The following GNAO1 variants were observed in gnomAD, a reference collection of about 807,000 sequenced individuals.
GNAO1 encodes the protein G protein subunit alpha o1, also known as guanine nucleotide-binding protein G(o) subunit alpha.
For missense variants in GNAO1, 166 were observed against 478.7 expected (o/e 0.35, Z 6.10); for synonymous variants, 164 against 180.7 (o/e 0.91, Z 0.74).
chr16:56,307,637 T>G (rs531403723), intron 3 of GNAO1: 1 of 152,346 alleles, frequency 6.6e-6, no homozygotes, highest in Admixed American at 6.5e-5. Flanking sequence ...AGGTGTCACA[T>G]GACTAACCCA....
intron 6 of GNAO1, chr16:56,346,364 G>T: frequency 1.0e-6 from 1 of 985,396 alleles, no homozygotes; most frequent in Non-Finnish European, 1.2e-6. Flanking sequence ...TGTGCCCTGA[G>T]GGGCCATGGT....
In GNAO1 at chr16:56,354,207, G is replaced by C. The variant is rs2037948495; in HGVS notation, c.878-659G>C. Among the ~76,000 whole-genome samples, 1 of 152,224 alleles carries C rather than the reference G, an allele frequency of 6.6e-6. No individual in the cohort carries two copies. Among genetic ancestry groups the C allele is most frequent in the African/African-American group, 2.4e-5 (1 of 41,458 alleles). On this transcript the variant is annotated intron_variant, in intron 7 of 8. Coordinates refer to ENST00000262493, the MANE Select transcript of GNAO1 (RefSeq NM_020988.3). This position sits in a 1 kb window ranked among gnomAD's most constrained non-coding sequence, Gnocchi z 4.3. ...AGACCATGGGGCGGTGCCTCAATTT[G>C]CTCATCTAGGAAGCAAAAGCGTTCA...
At chr16:56,235,415 C>A (rs757259021) in intron 2 of GNAO1, 4 of 455,884 alleles carry the variant, frequency 8.8e-6, no homozygotes, top group African/African-American at 2.0e-5. Flanking sequence ...TGAAGGCCGG[C>A]GGGACACTAC....
chr16:56,275,885 G>A, intron 2 of GNAO1, 46 bp from the exon 3 acceptor site: 1 of 1,541,186 alleles, frequency 6.5e-7, no homozygotes, highest in Non-Finnish European at 8.8e-7. Flanking sequence ...CTGTGTTGAT[G>A]AGGACAATGC....
intron 2 of GNAO1, among the ~76,000 whole-genome samples, chr16:56,262,338 G>C (rs2036911160): frequency 6.6e-6 from 1 of 152,238 alleles, no homozygotes; most frequent in African/African-American, 2.4e-5. Flanking sequence ...CTGTTTGGAT[G>C]ACAGAGCCTT....
intron 2 of GNAO1, among the ~76,000 whole-genome samples, chr16:56,258,116 T>G (rs1001254816): frequency 1.3e-5 from 2 of 152,216 alleles, no homozygotes; most frequent in African/African-American, 4.8e-5. Flanking sequence ...GATGGCCAGT[T>G]TGAGACCTCT....
At chr16:56,271,722 G>T (rs1160619895) in intron 2 of GNAO1, among the ~76,000 whole-genome samples, 1 of 152,134 alleles carries the variant, frequency 6.6e-6, no homozygotes, top group Non-Finnish European at 1.5e-5. Flanking sequence ...GAAAGTGCTG[G>T]GATTACAGGC....
chr16:56,320,786 G>C (rs1249905231), intron 3 of GNAO1, among the ~76,000 whole-genome samples: 2 of 152,196 alleles, frequency 1.3e-5, no homozygotes, highest in Non-Finnish European at 2.9e-5. Context: ...ACAGCAGAGA[G>C]CCCCCTCCCT....
chr16:56,321,215 A>G (rs552989111), intron 3 of GNAO1, among the ~76,000 whole-genome samples: 4 of 152,342 alleles, frequency 2.6e-5, no homozygotes, highest in Admixed American at 2.0e-4. Flanking sequence ...AAGTGCAAAA[A>G]TAAACCAACC....
chr16:56,257,176 G>A (rs572793699), intron 2 of GNAO1, among the ~76,000 whole-genome samples: 56 of 149,442 alleles, frequency 3.7e-4, no homozygotes, highest in Middle Eastern at 3.4e-3. Context: ...GACTGGGTTT[G>A]GGGGGGGGAA....
chr16:56,232,332 G>C (rs1035650508), intron 2 of GNAO1, among the ~76,000 whole-genome samples: 1 of 152,190 alleles, frequency 6.6e-6, no homozygotes, highest in African/African-American at 2.4e-5. Flanking sequence ...TCTGTCTAGA[G>C]AGAGTGGCTC....
chr16:56,324,518 G>A (rs562678022), intron 3 of GNAO1, among the ~76,000 whole-genome samples: 1 of 152,358 alleles, frequency 6.6e-6, no homozygotes, highest in East Asian at 1.9e-4. Flanking sequence ...AGGTCAGCCA[G>A]GCGTGAGGAG....
intron 6 of GNAO1, chr16:56,346,602 CCAAG>C: frequency 2.0e-6 from 2 of 985,412 alleles, no homozygotes; most frequent in Non-Finnish European, 1.2e-6. Context: ...CTGCCCAGCC[CCAAG>C]CAGAGAGCAC....
intron 2 of GNAO1, among the ~76,000 whole-genome samples, chr16:56,205,081 G>C (rs1327070322): frequency 6.6e-6 from 1 of 152,142 alleles, no homozygotes; most frequent in African/African-American, 2.4e-5. Flanking sequence ...AAAGAAAACT[G>C]GGACATCAGC....
In GNAO1 at chr16:56,342,734, G is replaced by A. The variant is rs75715797; in HGVS notation, c.723+5874G>A. On this transcript the variant is annotated intron_variant, in intron 6 of 8. Transcript: ENST00000262493. ...AGGAAAAGGCCCACCCACAGGGTGT[G>A]CATCGACCAGGGCTACCTGCATGAG... Among the ~76,000 whole-genome samples, 308 of 152,344 alleles carry A rather than the reference G, an allele frequency of 2.0e-3. 3 individuals carry two copies. In the East Asian group the frequency reaches 0.051, roughly 25 times the overall value.
intron 2 of GNAO1, among the ~76,000 whole-genome samples, chr16:56,227,610 C>A (rs891030723): frequency 6.7e-6 from 1 of 149,040 alleles, no homozygotes; most frequent in Non-Finnish European, 1.5e-5. Flanking sequence ...ATCACTTAAG[C>A]CCAGGAGGTC....
At chr16:56,343,982 G>C (rs751440448) in intron 6 of GNAO1, 37 of 1,605,304 alleles carry the variant, frequency 2.3e-5, no homozygotes, top group Non-Finnish European at 2.8e-5. Flanking sequence ...CCCTTGCCCT[G>C]CCTGGCCTGC....
At position 56,336,657 on chromosome 16, in the gene GNAO1, G is replaced by A. The variant is rs768611762; in HGVS notation, c.594-74G>A. ...TGGCCCCCATCCTCTGCCTCTCAGC[G>A]TGCTCACAGCTTAATCCCCAGGCAG... On this transcript the variant is annotated intron_variant, in intron 5 of 8. Coordinates refer to ENST00000262493, the MANE Select transcript of GNAO1 (RefSeq NM_020988.3). The A allele has an allele frequency of 3.3e-5, 46 of 1,413,212 alleles. No homozygotes were observed. The Middle Eastern group carries it at 5.4e-4, about 16-fold the overall frequency. 87.5% of individuals were successfully genotyped at this position (1,413,212 alleles called of 1,614,324 possible).
chr16:56,237,810 A>G (rs1239552598), intron 2 of GNAO1, among the ~76,000 whole-genome samples: 1 of 152,216 alleles, frequency 6.6e-6, no homozygotes. Flanking sequence ...AGTCGTCTAA[A>G]TGAAAATGTG....
Sources: allele counts gnomAD v4.1 joint callset (sites outside exome capture counted in the v4.1 genomes callset), GRCh38; gene constraint gnomAD v4.1.1; non-coding constraint Gnocchi (gnomAD v3.1); transcripts MANE v1.5; gene names NCBI Gene and HGNC (gene_info 2026-07-23, HGNC 2026-07-21).